PCDHGB6: variants seen among roughly 807,000 people sequenced by gnomAD.
The protein encoded by PCDHGB6 is protocadherin gamma-B6.
PCDHGB6 carries 51 observed loss-of-function variants against 59.1 expected under a neutral mutation model. That is an observed-to-expected ratio of 0.86 (90% CI 0.69 to 1.09). The LOEUF (loss-of-function observed/expected upper bound fraction) is 1.09, where lower values mean the gene tolerates loss of function less well. Ranked by LOEUF, PCDHGB6 falls within the 50% of genes least tolerant of loss-of-function variation. The pLI, the probability that PCDHGB6 is intolerant of heterozygous loss-of-function variation, is 0.00. For missense variants in PCDHGB6, 1,148 were observed against 1,205.1 expected (o/e 0.95, Z 0.70); for synonymous variants, 466 against 495.1 (o/e 0.94, Z 0.78).
chr5:141,423,897 T>G, intron 1 of PCDHGB6: 7 of 1,278,866 alleles, frequency 5.5e-6, no homozygotes, highest in Non-Finnish European at 6.9e-6. Flanking sequence ...TTTCTTTTGA[T>G]TTCAAAGGGG....
intron 1 of PCDHGB6, among the ~76,000 whole-genome samples, chr5:141,460,934 G>GTA (rs2099001529): frequency 2.7e-5 from 4 of 149,622 alleles, no homozygotes; most frequent in African/African-American, 9.9e-5. Context: ...ATGTGTGTGT[G>GTA]TATATATATG....
chr5:141,409,341 G>A lies in PCDHGB6; in HGVS notation c.1139G>A (p.Gly380Glu), dbSNP rs753232321. ...CGGGATCTGGATTTCGGAGGAAATGGAGAAGTCAGGTGTAATATAGAAACA... is the reference window on the plus strand; with the variant it reads ...CGGGATCTGGATTTCGGAGGAAATGAAGAAGTCAGGTGTAATATAGAAACA... ...KTRDLDFGGN[G>E]EVRCNIETDI... The change falls in exon 1 of 4, where the codon GGA (glycine) becomes GAA (glutamate). Residue 380 changes from glycine (G) to glutamate (E), a missense_variant. This residue lies in a region of PCDHGB6 where 549 missense variants were observed against 527.5 expected (regional missense o/e 1.04). Transcript: ENST00000520790. 1.9e-6 allele frequency: 3 copies of A among 1,613,976 alleles called. No individual in the cohort carries two copies. The highest frequency in any genetic ancestry group is 2.5e-6 in the Non-Finnish European group (3 of 1,179,906).
rs1305419943 is a variant in PCDHGB6, at chr5:141,438,625, T to C, written c.2418+28005T>C. Among the ~76,000 whole-genome samples the C allele has an allele frequency of 9.7e-4, 45 of 46,410 alleles. 2 individuals are homozygous for C. Among genetic ancestry groups the C allele is most frequent in the Admixed American group, 2.2e-3 (7 of 3,192 alleles). The allele number at this position is 46,410 out of a possible 152,430, so 30.4% of individuals were successfully genotyped here. On this transcript the variant is annotated intron_variant, in intron 1 of 3. Coordinates refer to ENST00000520790, the MANE Select transcript of PCDHGB6 (RefSeq NM_018926.3). The stretch of plus-strand genomic sequence containing the variant: ...ATATATATATATATATATATATATA[T>C]ATATATATATACACACACACACACA...
At chr5:141,471,801 CAT>C (rs1165290367) in intron 1 of PCDHGB6, among the ~76,000 whole-genome samples, 1 of 152,114 alleles carries the variant, frequency 6.6e-6, no homozygotes, top group African/African-American at 2.4e-5. Context: ...ATATAAAAGA[CAT>C]ATAAAAGACT....
Position 141,409,519 on chromosome 5 carries a change from C to T in PCDHGB6, c.1317C>T (p.Thr439=). 6.2e-7 allele frequency: 1 copy of T among 1,614,040 alleles called. No individual in the cohort carries two copies. The highest frequency in any genetic ancestry group is 8.5e-7 in the Non-Finnish European group (1 of 1,179,912). The change falls in exon 1 of 4, where the codon ACC becomes ACT. Residue 439 remains threonine, a synonymous_variant. Transcript: ENST00000520790. ...CTCTTTCTTCCAGTAGAAGCATCAC[C>T]TTGTATGTCGCTGACATCAACGACA... ...KPPLSSSRSI[T]LYVADINDNA...
At position 141,489,157 on chromosome 5, in the gene PCDHGB6, C is replaced by A. The variant is rs1222682069; in HGVS notation, c.2419-5650C>A. 1.0e-6 allele frequency: 1 copy of A among 984,444 alleles called. No homozygotes were observed. The highest frequency in any genetic ancestry group is 1.6e-5 in the African/African-American group (1 of 61,296). The allele number at this position is 984,444 out of a possible 1,614,324, so 61.0% of individuals were successfully genotyped here. On this transcript the variant is annotated intron_variant, in intron 1 of 3. Coordinates refer to ENST00000520790, the MANE Select transcript of PCDHGB6 (RefSeq NM_018926.3). This position sits in a 1 kb window ranked among gnomAD's most constrained non-coding sequence, Gnocchi z 4.5. ...AGAGGCTGGAAGGAGACATAAGAGA[C>A]TTCAGCTGCTGCATTCCAAGCCCTG...
At chr5:141,423,495 C>T in intron 1 of PCDHGB6, 1 of 1,613,946 alleles carries the variant, frequency 6.2e-7, no homozygotes, top group African/African-American at 1.3e-5. Context: ...CCTATTCCCA[C>T]GAGGTCTCTC....
At chr5:141,488,260 G>A (rs1297588710) in intron 1 of PCDHGB6, among the ~76,000 whole-genome samples, 2 of 152,182 alleles carry the variant, frequency 1.3e-5, no homozygotes, top group Non-Finnish European at 1.5e-5. Context: ...AGGTTGGGGC[G>A]GGTTGGTCAT....
chr5:141,478,553 T>C, intron 1 of PCDHGB6: 1 of 1,602,704 alleles, frequency 6.2e-7, no homozygotes. Context: ...ACAGGTAAGG[T>C]TTAGCAAGTC....
At chr5:141,453,351 C>A (rs1210851703) in intron 1 of PCDHGB6, among the ~76,000 whole-genome samples, 2 of 151,738 alleles carry the variant, frequency 1.3e-5, no homozygotes, top group Non-Finnish European at 2.9e-5. Flanking sequence ...CCAGGCTGAC[C>A]CTGAACTCCT....
chr5:141,417,902 C>G (rs2096184021), intron 1 of PCDHGB6: 1 of 1,588,280 alleles, frequency 6.3e-7, no homozygotes, highest in Non-Finnish European at 8.6e-7. Context: ...CGGCCCGCGG[C>G]AGGTACTATT....
At chr5:141,421,529 C>T in intron 1 of PCDHGB6, 1 of 1,614,020 alleles carries the variant, frequency 6.2e-7, no homozygotes, top group Non-Finnish European at 8.5e-7. Flanking sequence ...GAGACGGTGT[C>T]CTCCTGTTTT....
At chr5:141,439,029 G>A (rs2098083069) in intron 1 of PCDHGB6, among the ~76,000 whole-genome samples, 1 of 151,510 alleles carries the variant, frequency 6.6e-6, no homozygotes, top group Non-Finnish European at 1.5e-5. Flanking sequence ...GAAAATAGAT[G>A]CCTCAGTTCA....
chr5:141,431,607 A>G lies in PCDHGB6; in HGVS notation c.2418+20987A>G. ...GCGGAAGTGAGGTATTCCTTCCGGT[A>G]TGTGGACGACAAGGCGGCCCAAGTT... is the stretch of plus-strand genomic sequence containing the variant. On this transcript the variant is annotated intron_variant, in intron 1 of 3. Transcript: ENST00000520790. The surrounding 1 kb of genome is among the most constrained non-coding windows in gnomAD (Gnocchi z 4.8). 6.2e-7 allele frequency: 1 copy of G among 1,614,230 alleles called. No individual in the cohort carries two copies. Among genetic ancestry groups the G allele is most frequent in the Non-Finnish European group, 8.5e-7 (1 of 1,180,040 alleles).
At chr5:141,501,355 A>G (rs936121172) in intron 2 of PCDHGB6, among the ~76,000 whole-genome samples, 4 of 151,760 alleles carry the variant, frequency 2.6e-5, no homozygotes, top group African/African-American at 9.7e-5. Flanking sequence ...ATAGGGCAAG[A>G]ACCATATTCA....
At position 141,486,254 on chromosome 5, in the gene PCDHGB6, G is replaced by A. The variant is rs2099626723; in HGVS notation, c.2419-8553G>A. ...GACCTCAGAGCTTGGAACCCTCCCCGAGAGTGCAGAACCTGGCACTGTGGT... is the reference window on the plus strand; with the variant it reads ...GACCTCAGAGCTTGGAACCCTCCCCAAGAGTGCAGAACCTGGCACTGTGGT... On this transcript the variant is annotated intron_variant, in intron 1 of 3. Transcript: ENST00000520790. This position sits in a 1 kb window ranked among gnomAD's most constrained non-coding sequence, Gnocchi z 5.0. The A allele has an allele frequency of 1.2e-6, 2 of 1,613,992 alleles. No individual in the cohort carries two copies. Among genetic ancestry groups the A allele is most frequent in the Non-Finnish European group, 1.7e-6 (2 of 1,179,982 alleles).
rs2099612668 is a variant in PCDHGB6, at chr5:141,485,382, TGA to T, written c.2419-9424_2419-9423del. The T allele has an allele frequency of 6.2e-7, 1 of 1,613,538 alleles. No homozygotes were observed. The highest frequency in any genetic ancestry group is 8.5e-7 in the Non-Finnish European group (1 of 1,179,906). On this transcript the variant is annotated intron_variant, in intron 1 of 3. Coordinates refer to ENST00000520790, the MANE Select transcript of PCDHGB6 (RefSeq NM_018926.3). The surrounding 1 kb of genome is among the most constrained non-coding windows in gnomAD (Gnocchi z 5.7). ...CGCAGGCTGCAGGTCGCTGGAGAGG[TGA>T]ACCAAAGACACTTCCGTGTGGATTT...
chr5:141,433,837 C>CAAAAAA (rs56191208), intron 1 of PCDHGB6, among the ~76,000 whole-genome samples: 2 of 111,692 alleles, frequency 1.8e-5, no homozygotes, highest in Non-Finnish European at 3.9e-5. Context: ...AACTCTATCT[C>CAAAAAA]AAAAAAAAAA....
At chr5:141,435,271 T>C (rs1242477213) in intron 1 of PCDHGB6, among the ~76,000 whole-genome samples, 1 of 152,216 alleles carries the variant, frequency 6.6e-6, no homozygotes, top group African/African-American at 2.4e-5. Context: ...CCATTTATAC[T>C]TTCTCAGTAT....
Sources: gnomAD v4.1 joint callset for allele counts (sites outside exome capture counted in the v4.1 genomes callset) on GRCh38, gnomAD v4.1.1 for gene constraint, gnomAD v4.1.1 regional missense constraint, Gnocchi (gnomAD v3.1) non-coding constraint, MANE v1.5 for transcripts, NCBI Gene and HGNC (gene_info 2026-07-23, HGNC 2026-07-21) for gene names.